Variants in DNAJC17 observed in about 807,000 individuals in gnomAD.
The protein encoded by DNAJC17 is DnaJ heat shock protein family (Hsp40) member C17.
DNAJC17 carries 35 observed loss-of-function variants against 48.1 expected under a neutral mutation model. That is an observed-to-expected ratio of 0.73 (90% CI 0.56 to 0.96). The LOEUF (loss-of-function observed/expected upper bound fraction) is 0.96, where lower values mean the gene tolerates loss of function less well. Ranked by LOEUF, DNAJC17 falls within the 50% of genes least tolerant of loss-of-function variation. The pLI, the probability that DNAJC17 is intolerant of heterozygous loss-of-function variation, is 0.00. For missense variants in DNAJC17, 355 were observed against 377.1 expected, an observed-to-expected ratio of 0.94 and a Z score of 0.48; for synonymous variants, 117 against 142.7, an observed-to-expected ratio of 0.82 and a Z score of 1.28.
chr15:40,768,925 C>T (rs1163636529), intron 10 of DNAJC17, among the ~76,000 whole-genome samples: 15 of 152,222 alleles, frequency 9.9e-5, no homozygotes, highest in Admixed American at 9.2e-4. Context: ...GGTGGCCTGC[C>T]CGTAGCAGAG....
chr15:40,794,994 C>A (rs1294670725), intron 1 of DNAJC17, among the ~76,000 whole-genome samples: 1 of 151,542 alleles, frequency 6.6e-6, no homozygotes, highest in Non-Finnish European at 1.5e-5. Context: ...GCTCGGATTA[C>A]AGGCATGAGC....
intron 1 of DNAJC17, among the ~76,000 whole-genome samples, chr15:40,783,632 G>A (rs1889562233): frequency 6.6e-6 from 1 of 152,208 alleles, no homozygotes; most frequent in African/African-American, 2.4e-5. Flanking sequence ...GGGAGGCCGA[G>A]GTGGGTGGAT....
Position 40,779,258 on chromosome 15 carries a change from T to G in DNAJC17, c.260A>C (p.Gln87Pro), listed in dbSNP as rs1425815181. The change falls in exon 4 of 11, where the codon CAG (glutamine) becomes CCG (proline). Residue 87 changes from glutamine to proline, a missense_variant. By Grantham distance (76) the Gln-to-Pro change is moderately conservative. Coordinates refer to ENST00000220496, the MANE Select transcript of DNAJC17 (RefSeq NM_018163.3). ...KAKKQAAERT[Q>P]KLDEKRKKVK... Reference sequence around the variant, plus strand: ...TTTCTTCCTTTTCTCATCAAGTTTCTGGGTCCTCTCTGCTGCTTGCTTCTT... The same window carrying G: ...TTTCTTCCTTTTCTCATCAAGTTTCGGGGTCCTCTCTGCTGCTTGCTTCTT... 1 of 1,614,080 alleles carries G rather than the reference T, an allele frequency of 6.2e-7. No individual in the cohort carries two copies. The highest frequency in any genetic ancestry group is 1.3e-5 in the African/African-American group (1 of 74,938).
intron 10 of DNAJC17, 66 bp downstream of exon 10, chr15:40,773,659 TGA>T: frequency 7.7e-7 from 1 of 1,297,296 alleles, no homozygotes; most frequent in South Asian, 1.4e-5. Flanking sequence ...GGAAAGAGCC[TGA>T]GAGGAGCCCA....
rs558689699 is a variant in DNAJC17 at position 40,767,542 on chromosome 15, G to A, written c.*398C>T. ...CAAGCAGTGGGAGAGGGCAGTGCCC[G>A]GTGCCCTGGTGCTCCCAGCTGCCCT... On this transcript the variant is annotated 3_prime_UTR_variant, in exon 11 of 11. Coordinates refer to ENST00000220496, the MANE Select transcript of DNAJC17 (RefSeq NM_018163.3). The A allele has an allele frequency of 1.5e-6, 1 of 649,180 alleles. No homozygotes were observed. The highest frequency in any genetic ancestry group is 2.5e-6 in the Non-Finnish European group (1 of 406,226). 40.2% of individuals were successfully genotyped at this position (649,180 alleles called of 1,614,324 possible).
intron 1 of DNAJC17, among the ~76,000 whole-genome samples, chr15:40,799,224 CAAAAAAAAAAAAA>C (rs34609538): frequency 6.8e-5 from 3 of 44,368 alleles, no homozygotes; most frequent in South Asian, 7.7e-4. Flanking sequence ...GACTCCATCT[CAAAAAAAAAAAAA>C]AAAAAAAAAG....
chr15:40,776,772 C>T, intron 4 of DNAJC17, 145 bp from the exon 5 acceptor site: 1 of 714,592 alleles, frequency 1.4e-6, no homozygotes, highest in South Asian at 1.7e-5. Flanking sequence ...ATGCCCACGC[C>T]CCCGAGTCAA....
intron 2 of DNAJC17, 66 bp from the exon 3 acceptor site, chr15:40,779,669 CAA>C (rs879358935): frequency 3.7e-3 from 4,538 of 1,216,712 alleles, no homozygotes; most frequent in Non-Finnish European, 4.1e-3. Flanking sequence ...TGTGCTCCCT[CAA>C]AAAAAAAAAA....
At chr15:40,794,260 G>A (rs1889888972) in intron 1 of DNAJC17, among the ~76,000 whole-genome samples, 1 of 152,010 alleles carries the variant, frequency 6.6e-6, no homozygotes, top group Non-Finnish European at 1.5e-5. Flanking sequence ...TGAAGCAGGA[G>A]ATCTGCTTGA....
intron 1 of DNAJC17, among the ~76,000 whole-genome samples, chr15:40,802,407 G>C (rs922477708): frequency 6.6e-6 from 1 of 152,106 alleles, no homozygotes; most frequent in African/African-American, 2.4e-5. Context: ...GACCTCAGGT[G>C]ATCTGCCTGC....
chr15:40,785,757 A>G (rs1330444557), intron 1 of DNAJC17, among the ~76,000 whole-genome samples: 3 of 152,048 alleles, frequency 2.0e-5, no homozygotes, highest in Non-Finnish European at 4.4e-5. Flanking sequence ...TAGATCTAAA[A>G]TTCAATCCTG....
In DNAJC17 at chr15:40,765,735, C is replaced by T; in HGVS notation, c.*2205G>A. Reference sequence around the variant, plus strand: ...CTCTGTAGCCTTTACCTGAACCTTACTCAGGGCTAGCAGGCAGGGGAGGAA... The same window carrying T: ...CTCTGTAGCCTTTACCTGAACCTTATTCAGGGCTAGCAGGCAGGGGAGGAA... On this transcript the variant is annotated 3_prime_UTR_variant, in exon 11 of 11. Coordinates refer to ENST00000220496, the MANE Select transcript of DNAJC17 (RefSeq NM_018163.3). The T allele has an allele frequency of 1.8e-6, 1 of 562,618 alleles. No homozygotes were observed. The highest frequency in any genetic ancestry group is 3.2e-6 in the Non-Finnish European group (1 of 311,860). The allele number at this position is 562,618 out of a possible 1,614,324, so 34.9% of individuals were successfully genotyped here.
rs1889119681 is a variant in DNAJC17, at chr15:40,770,905, C to T, written c.792+2822G>A. On this transcript the variant is annotated intron_variant, in intron 10 of 10. Coordinates refer to ENST00000220496, the MANE Select transcript of DNAJC17 (RefSeq NM_018163.3). This position sits in a 1 kb window ranked among gnomAD's most constrained non-coding sequence, Gnocchi z 5.0. ...GTGGACACTCCCTGCTTCCAGAGGA[C>T]ACCTACCCCAGACCTCAGTGATCCC... 1 of 1,551,522 alleles carries T rather than the reference C, an allele frequency of 6.4e-7. No individual in the cohort carries two copies. Among genetic ancestry groups the T allele is most frequent in the Non-Finnish European group, 8.7e-7 (1 of 1,147,008 alleles).
intron 4 of DNAJC17, among the ~76,000 whole-genome samples, chr15:40,778,242 C>G (rs2141950917): frequency 6.6e-6 from 1 of 151,732 alleles, no homozygotes; most frequent in South Asian, 2.1e-4. Flanking sequence ...TGAATACAAG[C>G]ACCAATTTTT....
At chr15:40,787,200 T>C (rs1270741813) in intron 1 of DNAJC17, among the ~76,000 whole-genome samples, 1 of 152,138 alleles carries the variant, frequency 6.6e-6, no homozygotes, top group Non-Finnish European at 1.5e-5. Flanking sequence ...CATAAGGGTA[T>C]AGGAAGGTAT....
intron 1 of DNAJC17, among the ~76,000 whole-genome samples, chr15:40,805,801 A>G (rs1476739918): frequency 6.6e-6 from 1 of 152,236 alleles, no homozygotes; most frequent in East Asian, 1.9e-4. Context: ...ACTGCACTCC[A>G]GCCTGGGCCA....
chr15:40,767,156 C>T lies in DNAJC17; in HGVS notation c.*784G>A, dbSNP rs544341876. On this transcript the variant is annotated 3_prime_UTR_variant, in exon 11 of 11. Transcript: ENST00000220496. Reference sequence around the variant, plus strand: ...ACAAGAGTGGCCAGGCTGCCTGCTGCAGACACTAGCTTTGTACCAGGAGCT... The same window carrying T: ...ACAAGAGTGGCCAGGCTGCCTGCTGTAGACACTAGCTTTGTACCAGGAGCT... The T allele has an allele frequency of 2.5e-5, 35 of 1,409,310 alleles. No homozygotes were observed. The South Asian group carries it at 5.3e-4, about 21-fold the overall frequency. 87.3% of individuals were successfully genotyped at this position (1,409,310 alleles called of 1,614,324 possible).
chr15:40,767,278 C>G lies in DNAJC17; in HGVS notation c.*662G>C, dbSNP rs754558236. The stretch of plus-strand genomic sequence containing the variant: ...CCGCATAGTCCTGGACAAGCTGGAA[C>G]GCAGGGGCTTCCGTGTGCTGAGCAT... On this transcript the variant is annotated 3_prime_UTR_variant, in exon 11 of 11. Transcript: ENST00000220496. 11 of 1,604,510 alleles carry G rather than the reference C, an allele frequency of 6.9e-6. No homozygotes were observed. The highest frequency in any genetic ancestry group is 7.7e-6 in the Non-Finnish European group (9 of 1,175,692).
At chr15:40,784,469 A>T (rs1372025578) in intron 1 of DNAJC17, among the ~76,000 whole-genome samples, 1 of 152,302 alleles carries the variant, frequency 6.6e-6, no homozygotes, top group East Asian at 1.9e-4. Flanking sequence ...CTTTACATAT[A>T]TTAACTTATT....
Sources: allele counts gnomAD v4.1 joint callset (sites outside exome capture counted in the v4.1 genomes callset), GRCh38; gene constraint gnomAD v4.1.1; non-coding constraint Gnocchi (gnomAD v3.1); transcripts MANE v1.5; gene names NCBI Gene and HGNC (gene_info 2026-07-23, HGNC 2026-07-21).